The following SLC35E2B variants were observed in gnomAD, a reference collection of about 807,000 sequenced individuals.
The protein encoded by SLC35E2B is solute carrier family 35 member E2B, also known as solute carrier family 35, member E2B.
A neutral mutation model predicts 32.4 loss-of-function variants in SLC35E2B; 18 were observed. The ratio of observed to expected loss-of-function variants is 0.56; its 90% confidence interval spans 0.38 to 0.82. The LOEUF (loss-of-function observed/expected upper bound fraction) is 0.82, where lower values mean the gene tolerates loss of function less well. Among genes scored for constraint, SLC35E2B ranks in the 40% least tolerant of loss-of-function variants. The probability of loss-of-function intolerance (pLI) is 0.00; values close to 1 mark genes in which losing one functional copy is unlikely to be tolerated. For missense variants in SLC35E2B, 263 were observed against 469.5 expected (o/e 0.56, Z 4.06); for synonymous variants, 132 against 209.1 (o/e 0.63, Z 3.18).
At chr1:1,673,379 AGTT>A in intron 5 of SLC35E2B, 1 of 440,682 alleles carries the variant, frequency 2.3e-6, no homozygotes, top group Non-Finnish European at 4.6e-6. Flanking sequence ...GTGGTGAGAA[AGTT>A]ATTATGGGCA....
chr1:1,666,310 A>G (rs1218453755), intron 9 of SLC35E2B, among the ~76,000 whole-genome samples: 3 of 152,136 alleles, frequency 2.0e-5, no homozygotes, highest in Non-Finnish European at 4.4e-5. Flanking sequence ...GGTACTTTTC[A>G]TTATTAAAAA....
At position 1,665,298 on chromosome 1, in the gene SLC35E2B, C is replaced by A. The variant is rs1009890395; in HGVS notation, c.*484G>T. ...GCAGGAGACCCTTCCTTCCAGGGCC[C>A]TCTGTCCCCTCCCTTCGGCCCTGCT... On this transcript the variant is annotated 3_prime_UTR_variant, in exon 10 of 10. Transcript: ENST00000617444. 1 of 320,654 alleles carries A rather than the reference C, an allele frequency of 3.1e-6. No homozygotes were observed. The highest frequency in any genetic ancestry group is 5.7e-6 in the Non-Finnish European group (1 of 176,316). 19.9% of individuals were successfully genotyped at this position (320,654 alleles called of 1,614,324 possible). A position where few individuals can be genotyped will look rare whatever the true frequency, so the allele number is the denominator to read the frequency against.
intron 8 of SLC35E2B, 78 bp downstream of exon 8, chr1:1,669,586 C>T (rs554647560): frequency 9.3e-6 from 13 of 1,404,670 alleles, no homozygotes; most frequent in East Asian, 2.5e-5. Context: ...GGCCTGGAAA[C>T]GGAAGTCATT....
intron 2 of SLC35E2B, among the ~76,000 whole-genome samples, chr1:1,686,108 G>A (rs566567863): frequency 2.0e-5 from 3 of 152,250 alleles, no homozygotes; most frequent in East Asian, 1.9e-4. Flanking sequence ...AGGTTCAAGC[G>A]ATTCTCCTGC....
In SLC35E2B at chr1:1,662,271, G is replaced by A. The variant is rs932368942; in HGVS notation, c.*3511C>T. 3.4e-6 allele frequency: 3 copies of A among 877,022 alleles called. No individual in the cohort carries two copies. The African/African-American group carries it at 5.9e-5, about 17-fold the overall frequency. The allele number at this position is 877,022 out of a possible 1,614,324, so 54.3% of individuals were successfully genotyped here. A position where few individuals can be genotyped will look rare whatever the true frequency, so the allele number is the denominator to read the frequency against. On this transcript the variant is annotated 3_prime_UTR_variant, in exon 10 of 10. Coordinates refer to ENST00000617444, the MANE Select transcript of SLC35E2B (RefSeq NM_001290264.2). The stretch of plus-strand genomic sequence containing the variant: ...ACCCCTTAGTACCATGTTGGTCAAA[G>A]GCAAGAGAGAGAATTCTATTTCCAT...
intron 2 of SLC35E2B, among the ~76,000 whole-genome samples, chr1:1,679,529 A>G (rs1388561348): frequency 6.6e-6 from 1 of 152,120 alleles, no homozygotes; most frequent in African/African-American, 2.4e-5. Context: ...CTGTACATCA[A>G]GAACTTAAGG....
rs755629879 is a variant in SLC35E2B, at chr1:1,665,998, A to G, written c.1002T>C (p.His334=). 52 of 1,551,256 alleles carry G rather than the reference A, an allele frequency of 3.4e-5. No individual in the cohort carries two copies. The South Asian group carries it at 6.2e-4, about 18-fold the overall frequency. The change falls in exon 10 of 10, where the codon CAT becomes CAC. Residue 334 remains histidine, a synonymous_variant. Coordinates refer to ENST00000617444, the MANE Select transcript of SLC35E2B (RefSeq NM_001290264.2). Reference sequence around the variant, plus strand: ...TTACGCTGAGCCAGATGGACAAGGCATGTTTCACGGTGCTGGCGACGCTGC... The same window carrying G: ...TTACGCTGAGCCAGATGGACAAGGCGTGTTTCACGGTGCTGGCGACGCTGC... ...VTFSVASTVK[H]ALSIWLSVIV... is the part of the protein sequence containing the mutation.
chr1:1,686,671 CAGA>C (rs1393424709), intron 2 of SLC35E2B, among the ~76,000 whole-genome samples: 1 of 151,946 alleles, frequency 6.6e-6, no homozygotes, highest in African/African-American at 2.4e-5. Context: ...GAGGCTGAGG[CAGA>C]AGAATCACTT....
At chr1:1,671,438 G>T in intron 6 of SLC35E2B, 71 bp downstream of exon 6, 3 of 1,321,264 alleles carry the variant, frequency 2.3e-6, no homozygotes, top group Non-Finnish European at 2.9e-6. Context: ...GCTCACCTGA[G>T]AATCTGCACA....
chr1:1,677,422 C>A (rs912105610), intron 2 of SLC35E2B, among the ~76,000 whole-genome samples: 1 of 151,296 alleles, frequency 6.6e-6, no homozygotes, highest in African/African-American at 2.4e-5. Context: ...TCTCGATGGG[C>A]TTTGTGGCTG....
intron 9 of SLC35E2B, among the ~76,000 whole-genome samples, chr1:1,666,643 T>C (rs936685207): frequency 6.6e-6 from 1 of 151,626 alleles, no homozygotes; most frequent in Non-Finnish European, 1.5e-5. Flanking sequence ...ATCCCAGCAC[T>C]GTGGGAGGCT....
chr1:1,678,719 CCTTCT>C (rs1643874926), intron 2 of SLC35E2B, among the ~76,000 whole-genome samples: 1 of 152,140 alleles, frequency 6.6e-6, no homozygotes, highest in African/African-American at 2.4e-5. Context: ...GACACCATTC[CCTTCT>C]TCCTGTTCAG....
intron 5 of SLC35E2B, among the ~76,000 whole-genome samples, chr1:1,674,835 G>A (rs1401181003): frequency 1.3e-5 from 2 of 152,096 alleles, no homozygotes; most frequent in East Asian, 1.9e-4. Context: ...AAGCGAACAC[G>A]TGTGCACCCC....
At position 1,689,762 on chromosome 1, in the gene SLC35E2B, G is replaced by A. The variant is rs530200767; in HGVS notation, c.-148+1214C>T. 2.6e-3 allele frequency among the ~76,000 whole-genome samples: 386 copies of A among 151,212 alleles called. 8 individuals carry two copies. The highest frequency in any genetic ancestry group is 7.8e-3 in the African/African-American group (324 of 41,340). On this transcript the variant is annotated intron_variant, in intron 2 of 9. Transcript: ENST00000617444. ...AGCACTTTGGGAGGCCAAGGTGGGC[G>A]GATCACTTGAGGTCGGGAGCTCGAG...
intron 2 of SLC35E2B, among the ~76,000 whole-genome samples, chr1:1,682,647 G>C (rs112089940): frequency 4.6e-4 from 70 of 152,210 alleles, no homozygotes; most frequent in African/African-American, 1.5e-3. Flanking sequence ...CTCTCATCTC[G>C]GGGACGGGCC....
rs1176755885 is a variant in SLC35E2B, at chr1:1,669,716, T to C, written c.782A>G (p.Tyr261Cys). 3 of 1,546,568 alleles carry C rather than the reference T, an allele frequency of 1.9e-6. No homozygotes were observed. Among genetic ancestry groups the C allele is most frequent in the African/African-American group, 2.7e-5 (2 of 72,916 alleles). The change falls in exon 8 of 10, where the codon TAC becomes TGC. Residue 261 changes from tyrosine to cysteine, a missense_variant. Transcript: ENST00000617444. ...CATGGCCACCGCAGCGGCGCTGGTG[T>C]AGAACTGCAGCTCCGGGGCCCTGTG... is the stretch of plus-strand genomic sequence containing the variant. ...YRFSAPELQF[Y>C]TSAAAVAMLV...
chr1:1,676,238 AC>A, intron 3 of SLC35E2B, 39 bp from the exon 4 acceptor site: 2 of 506,448 alleles, frequency 3.9e-6, no homozygotes. Context: ...AGGGAGAATC[AC>A]CCCTCCCATG....
In SLC35E2B at chr1:1,665,963, C is replaced by G. The variant is rs1385214158; in HGVS notation, c.1037G>C (p.Gly346Ala). The change falls in exon 10 of 10, where the codon GGC (glycine) becomes GCC (alanine). Residue 346 changes from glycine to alanine, a missense_variant. Coordinates refer to ENST00000617444, the MANE Select transcript of SLC35E2B (RefSeq NM_001290264.2). ...LSIWLSVIVF[G>A]NKITSLSAVG... ...GGCCGACAAGCTGGTGATCTTGTTGCCGAAAACGATTACGCTGAGCCAGAT... is the reference window on the plus strand; with the variant it reads ...GGCCGACAAGCTGGTGATCTTGTTGGCGAAAACGATTACGCTGAGCCAGAT... 6.4e-7 allele frequency: 1 copy of G among 1,551,414 alleles called. No individual in the cohort carries two copies. The highest frequency in any genetic ancestry group is 1.4e-5 in the African/African-American group (1 of 73,024).
chr1:1,692,468 C>T lies in SLC35E2B; in HGVS notation c.-585G>A. On this transcript the variant is annotated 5_prime_UTR_variant, in exon 1 of 10. Transcript: ENST00000617444. ...ACCCACCGAGAGCCTGATGCAGTCT[C>T]CGCCGCAGGCATAGCGCTAGGCCCC... The T allele has an allele frequency of 1.0e-6, 1 of 986,688 alleles. No individual in the cohort carries two copies. Among genetic ancestry groups the T allele is most frequent in the Non-Finnish European group, 1.2e-6 (1 of 830,998 alleles). The allele number at this position is 986,688 out of a possible 1,614,324, so 61.1% of individuals were successfully genotyped here.
Sources: allele counts gnomAD v4.1 joint callset (sites outside exome capture counted in the v4.1 genomes callset), GRCh38; gene constraint gnomAD v4.1.1; transcripts MANE v1.5; gene names NCBI Gene and HGNC (gene_info 2026-07-23, HGNC 2026-07-21).